PLA2G4A: variants seen among roughly 807,000 people sequenced by gnomAD.
PLA2G4A encodes the protein cytosolic phospholipase A2.
PLA2G4A carries 40 observed loss-of-function variants against 81.9 expected under a neutral mutation model. The observed-to-expected ratio is 0.49, with a 90% confidence interval of 0.38 to 0.64. PLA2G4A has a LOEUF of 0.64. Ranked by LOEUF, PLA2G4A falls within the 30% of genes least tolerant of loss-of-function variation. The pLI, the probability that PLA2G4A is intolerant of heterozygous loss-of-function variation, is 0.00. For missense variants in PLA2G4A, 715 were observed against 905.1 expected, an observed-to-expected ratio of 0.79 and a Z score of 2.69; for synonymous variants, 302 against 296.9, an observed-to-expected ratio of 1.02 and a Z score of -0.18.
intron 2 of PLA2G4A, among the ~76,000 whole-genome samples, chr1:186,868,858 C>T (rs570446046): frequency 9.2e-5 from 14 of 151,368 alleles, no homozygotes; most frequent in East Asian, 7.7e-4. Context: ...TCAATGTCCA[C>T]GCGATCTGTA....
chr1:186,890,257 T>C (rs922095054), intron 3 of PLA2G4A, among the ~76,000 whole-genome samples: 2 of 152,202 alleles, frequency 1.3e-5, no homozygotes, highest in African/African-American at 2.4e-5. Context: ...TCTGAAGATG[T>C]ACAGCTGAGG....
chr1:186,915,543 C>T (rs1309399481), intron 7 of PLA2G4A, among the ~76,000 whole-genome samples: 1 of 152,114 alleles, frequency 6.6e-6, no homozygotes, highest in African/African-American at 2.4e-5. Flanking sequence ...AAAGCATAGA[C>T]AGGGAAGCCC....
chr1:186,936,739 TGGC>T (rs1245911958), intron 8 of PLA2G4A, among the ~76,000 whole-genome samples: 1 of 151,972 alleles, frequency 6.6e-6, no homozygotes, highest in African/African-American at 2.4e-5. Flanking sequence ...ACTTCCTCTC[TGGC>T]ATGATTTAGA....
Position 186,845,241 on chromosome 1 carries a change from A to G in PLA2G4A, c.-69-9045A>G, listed in dbSNP as rs1008174329. Among the ~76,000 whole-genome samples the G allele has an allele frequency of 1.3e-4, 20 of 152,172 alleles. No individual in the cohort carries two copies. In the East Asian group the frequency reaches 3.5e-3, roughly 26 times the overall value. On this transcript the variant is annotated intron_variant, in intron 1 of 17. Coordinates refer to ENST00000367466, the MANE Select transcript of PLA2G4A (RefSeq NM_024420.3). ...ACAAACAAACAAACAAAAACTCTCT[A>G]TAGAATTAAATACTTGTGACTTGCA...
Position 186,911,230 on chromosome 1 carries a change from A to T in PLA2G4A, c.417-18A>T, listed in dbSNP as rs745362023. ...ACTGGGAGCACTGGCTCATGACTTTATCTGTTTGGTATTACAGCTCATGCC... is the reference window on the plus strand; with the variant it reads ...ACTGGGAGCACTGGCTCATGACTTTTTCTGTTTGGTATTACAGCTCATGCC... On this transcript the variant is annotated intron_variant, in intron 6 of 17. Transcript: ENST00000367466. 4.3e-6 allele frequency: 7 copies of T among 1,611,796 alleles called. No homozygotes were observed. Among genetic ancestry groups the T allele is most frequent in the Non-Finnish European group, 5.9e-6 (7 of 1,177,888 alleles).
rs116178559 is a variant in PLA2G4A at position 186,869,266 on chromosome 1, C to G, written c.34-1169C>G. On this transcript the variant is annotated intron_variant, in intron 2 of 17. Transcript: ENST00000367466. The stretch of plus-strand genomic sequence containing the variant: ...AGTTTCAAATATTCTTATGATTGAT[C>G]ATTTATGTATAATAAAACTTTGGCT... 2.4e-3 allele frequency among the ~76,000 whole-genome samples: 368 copies of G among 152,176 alleles called. 1 individual carries two copies. Among genetic ancestry groups the G allele is most frequent in the African/African-American group, 8.4e-3 (350 of 41,548 alleles).
At chr1:186,840,260 G>C (rs1204027293) in intron 1 of PLA2G4A, among the ~76,000 whole-genome samples, 1 of 152,034 alleles carries the variant, frequency 6.6e-6, no homozygotes, top group South Asian at 2.1e-4. Flanking sequence ...GCACAAAAAA[G>C]ATTAAGAACC....
chr1:186,852,176 A>T (rs1055275092), intron 1 of PLA2G4A, among the ~76,000 whole-genome samples: 1 of 151,948 alleles, frequency 6.6e-6, no homozygotes, highest in East Asian at 1.9e-4. Flanking sequence ...CACACAAAAA[A>T]CCTGCCTTCA....
At chr1:186,915,530 C>T (rs543922859) in intron 7 of PLA2G4A, among the ~76,000 whole-genome samples, 2 of 152,198 alleles carry the variant, frequency 1.3e-5, no homozygotes, top group African/African-American at 4.8e-5. Context: ...TCTCTTTTCA[C>T]GGAAAGCATA....
chr1:186,848,411 T>A (rs909292861), intron 1 of PLA2G4A, among the ~76,000 whole-genome samples: 78 of 152,200 alleles, frequency 5.1e-4, no homozygotes, highest in African/African-American at 1.7e-3. Context: ...AGGGGAGAAG[T>A]CAATGACTTC....
At chr1:186,913,461 A>G (rs1012254541) in intron 7 of PLA2G4A, among the ~76,000 whole-genome samples, 2 of 151,938 alleles carry the variant, frequency 1.3e-5, no homozygotes, top group Admixed American at 1.3e-4. Flanking sequence ...CTCTCTTTAT[A>G]TATCTGTCCA....
intron 7 of PLA2G4A, among the ~76,000 whole-genome samples, chr1:186,915,547 G>A (rs746617350): frequency 6.2e-4 from 95 of 152,080 alleles, no homozygotes; most frequent in Non-Finnish European, 1.2e-3. Flanking sequence ...CATAGACAGG[G>A]AAGCCCAGGA....
In PLA2G4A at chr1:186,877,725, A is replaced by G. The variant is rs1005866777; in HGVS notation, c.115+7209A>G. Among the ~76,000 whole-genome samples, 490 of 150,008 alleles carry G rather than the reference A, an allele frequency of 3.3e-3. 6 individuals carry two copies. The highest frequency in any genetic ancestry group is 0.011 in the African/African-American group (467 of 40,844). ...ACTCACAAAAAAAAAAAAAAAAAAA[A>G]AAAAAAAAGAAGCTTAATTCTGATT... On this transcript the variant is annotated intron_variant, in intron 3 of 17. Coordinates refer to ENST00000367466, the MANE Select transcript of PLA2G4A (RefSeq NM_024420.3).
chr1:186,834,851 T>C (rs549216514), intron 1 of PLA2G4A, among the ~76,000 whole-genome samples: 3 of 152,194 alleles, frequency 2.0e-5, no homozygotes, highest in Admixed American at 1.3e-4. Context: ...TTCTGGCTCT[T>C]ATTAAACCTG....
At chr1:186,906,765 C>CA (rs1297396661) in intron 5 of PLA2G4A, among the ~76,000 whole-genome samples, 200 bp from the exon 6 acceptor site, 10 of 151,702 alleles carry the variant, frequency 6.6e-5, no homozygotes, top group East Asian at 1.9e-4. Flanking sequence ...AGTAGACTTA[C>CA]AAAAAAAATA....
rs28395828 is a variant in PLA2G4A at position 186,894,140 on chromosome 1, G to A, written c.307G>A (p.Gly103Arg). ...CAATTATGTCATGGATGAAACTCTA[G>A]GGACAGCAACATTTACTGTATCTTC... ...DANYVMDETLGTATFTVSSMK... is the reference protein window; with the variant it reads ...DANYVMDETLRTATFTVSSMK... The change falls in exon 5 of 18, where the codon GGG (glycine) becomes AGG (arginine). Residue 103 changes from glycine (G) to arginine (R), a missense_variant. By Grantham distance (125) the Gly-to-Arg change is moderately radical. Transcript: ENST00000367466. 1 of 1,517,468 alleles carries A rather than the reference G, an allele frequency of 6.6e-7. No individual in the cohort carries two copies. The highest frequency in any genetic ancestry group is 1.4e-5 in the African/African-American group (1 of 73,140). 94.0% of individuals were successfully genotyped at this position (1,517,468 alleles called of 1,614,324 possible).
intron 3 of PLA2G4A, among the ~76,000 whole-genome samples, chr1:186,887,184 T>A (rs532269024): frequency 6.9e-6 from 1 of 145,700 alleles, no homozygotes; most frequent in Admixed American, 6.8e-5. Flanking sequence ...CCCTTTGGGA[T>A]TTTTTTTTTC....
chr1:186,913,549 C>T (rs1451750720), intron 7 of PLA2G4A, among the ~76,000 whole-genome samples: 2 of 151,914 alleles, frequency 1.3e-5, no homozygotes, highest in Non-Finnish European at 2.9e-5. Context: ...TTGTTAGTGA[C>T]GTATCAGGTA....
chr1:186,844,444 A>T (rs1386034525), intron 1 of PLA2G4A, among the ~76,000 whole-genome samples: 1 of 152,232 alleles, frequency 6.6e-6, no homozygotes, highest in Non-Finnish European at 1.5e-5. Flanking sequence ...CTTTTAGAAT[A>T]TGCTTCCATA....
Sources: allele counts gnomAD v4.1 joint callset (sites outside exome capture counted in the v4.1 genomes callset), GRCh38; gene constraint gnomAD v4.1.1; transcripts MANE v1.5; gene names NCBI Gene and HGNC (gene_info 2026-07-23, HGNC 2026-07-21).